Variants in PTPRT observed in about 807,000 individuals in gnomAD.
PTPRT encodes the protein receptor-type tyrosine-protein phosphatase T.
In PTPRT, 56 loss-of-function variants were observed where a neutral mutation model predicts 176.8. That is an observed-to-expected ratio of 0.32 (90% CI 0.26 to 0.40). The LOEUF (loss-of-function observed/expected upper bound fraction) is 0.40, where lower values mean the gene tolerates loss of function less well. PTPRT is among the 10% of genes least tolerant of loss of function. The pLI is 1.00. For missense variants in PTPRT, 1,540 were observed against 1,908.2 expected (o/e 0.81, Z 3.60); for synonymous variants, 783 against 739.0 (o/e 1.06, Z -0.96).
chr20:42,998,273 T>G (rs374821566), intron 1 of PTPRT, among the ~76,000 whole-genome samples: 10 of 152,300 alleles, frequency 6.6e-5, no homozygotes, highest in East Asian at 3.9e-4. Context: ...CACCTACGTA[T>G]TCAATTACCA....
At chr20:43,080,648 G>C (rs748368560) in intron 1 of PTPRT, among the ~76,000 whole-genome samples, 5 of 152,346 alleles carry the variant, frequency 3.3e-5, no homozygotes, top group Non-Finnish European at 7.4e-5. Flanking sequence ...TGCCCAGCCT[G>C]TAGCTACACT....
chr20:42,826,983 G>T (rs1465717687), intron 2 of PTPRT, among the ~76,000 whole-genome samples: 1 of 152,170 alleles, frequency 6.6e-6, no homozygotes, highest in Non-Finnish European at 1.5e-5. Flanking sequence ...TAATTGTAAA[G>T]GATTCAATTC....
At chr20:42,620,369 C>A (rs2074168636) in intron 7 of PTPRT, among the ~76,000 whole-genome samples, 1 of 148,844 alleles carries the variant, frequency 6.7e-6, no homozygotes, top group Admixed American at 6.6e-5. Flanking sequence ...ACACTTAAGT[C>A]TGTAGAGGTT....
chr20:43,015,956 A>AG (rs965586085), intron 1 of PTPRT, among the ~76,000 whole-genome samples: 2 of 151,788 alleles, frequency 1.3e-5, no homozygotes, highest in African/African-American at 4.8e-5. Context: ...AAGAAAAAAA[A>AG]AAAAAAGCCC....
At chr20:42,256,554 G>GAA (rs113206254) in intron 13 of PTPRT, among the ~76,000 whole-genome samples, 1 of 149,284 alleles carries the variant, frequency 6.7e-6, no homozygotes, top group African/African-American at 2.5e-5. Context: ...GTTGATACAG[G>GAA]AAAAAAAAAT....
intron 18 of PTPRT, among the ~76,000 whole-genome samples, chr20:42,133,287 TG>T (rs1988215418): frequency 6.6e-6 from 1 of 152,228 alleles, no homozygotes; most frequent in Admixed American, 6.5e-5. Flanking sequence ...TATGGGTTTA[TG>T]GGGATATAAC....
At chr20:42,477,439 T>C (rs948464313) in intron 7 of PTPRT, among the ~76,000 whole-genome samples, 3 of 152,156 alleles carry the variant, frequency 2.0e-5, no homozygotes, top group African/African-American at 7.2e-5. Context: ...TCCTATTCAA[T>C]GGAAACTAGG....
At chr20:42,779,975 TCAAA>T (rs1307538915) in intron 4 of PTPRT, among the ~76,000 whole-genome samples, 1 of 152,150 alleles carries the variant, frequency 6.6e-6, no homozygotes, top group Non-Finnish European at 1.5e-5. Context: ...GGAGAGAGAT[TCAAA>T]CAAAGATGTT....
intron 7 of PTPRT, among the ~76,000 whole-genome samples, chr20:42,667,140 T>C (rs936962003): frequency 6.6e-6 from 1 of 152,250 alleles, no homozygotes; most frequent in African/African-American, 2.4e-5. Flanking sequence ...ACATTTTTCA[T>C]CAGTGTATTC....
chr20:42,235,170 A>T (rs2056215947), intron 15 of PTPRT, among the ~76,000 whole-genome samples: 2 of 152,172 alleles, frequency 1.3e-5, no homozygotes, highest in Non-Finnish European at 2.9e-5. Flanking sequence ...GGGGCTTTCT[A>T]ACTTTTTATC....
In PTPRT at chr20:42,640,492, G is replaced by A. The variant is rs538330024; in HGVS notation, c.1153+37374C>T. Among the ~76,000 whole-genome samples, 18 of 152,142 alleles carry A rather than the reference G, an allele frequency of 1.2e-4. 1 individual carries two copies. Among genetic ancestry groups the A allele is most frequent in the African/African-American group, 3.9e-4 (16 of 41,480 alleles). ...CTCACTGCAACCTTTGGATTCAAGT[G>A]ATTCTCGTGCCTCAGGTTCCCGAGT... On this transcript the variant is annotated intron_variant, in intron 7 of 30. Transcript: ENST00000373187.
chr20:42,046,387 G>C, the PTPRT span, among the ~76,000 whole-genome samples: 1 of 152,332 alleles, frequency 6.6e-6, no homozygotes, highest in African/African-American at 2.4e-5. Context: ...TCTCTGCCAG[G>C]AGTTTTGGGA....
At chr20:42,575,819 C>T (rs763517539) in intron 7 of PTPRT, among the ~76,000 whole-genome samples, 1 of 152,096 alleles carries the variant, frequency 6.6e-6, no homozygotes, top group East Asian at 1.9e-4. Context: ...AGCGCCCACA[C>T]CCTCGCCACA....
At chr20:42,989,071 G>A (rs1983752261) in intron 1 of PTPRT, among the ~76,000 whole-genome samples, 1 of 152,230 alleles carries the variant, frequency 6.6e-6, no homozygotes, top group African/African-American at 2.4e-5. Context: ...GAATGAATTA[G>A]TAAATGAATG....
At position 42,085,788 on chromosome 20, in the gene PTPRT, G is replaced by A. The variant is rs1265980061; in HGVS notation, c.3912C>T (p.Val1304=). The A allele has an allele frequency of 1.2e-6, 2 of 1,614,080 alleles. No homozygotes were observed. The highest frequency in any genetic ancestry group is 4.5e-5 in the East Asian group (2 of 44,874). ...GCYGPIQVEF[V]SADIDEDIIH... ...TGATGTCCTCGTCGATGTCTGCGGA[G>A]ACGAACTCCACCTGGATGGGCCCAT... The change falls in exon 28 of 31, where the codon GTC becomes GTT. Residue 1304 remains valine, a synonymous_variant. Coordinates refer to ENST00000373187, the MANE Select transcript of PTPRT (RefSeq NM_007050.6).
chr20:42,959,624 C>A (rs921796882), intron 1 of PTPRT, among the ~76,000 whole-genome samples: 2 of 152,104 alleles, frequency 1.3e-5, no homozygotes, highest in Non-Finnish European at 2.9e-5. Flanking sequence ...GGTGGGACAA[C>A]TGGAAAAAAA....
intron 2 of PTPRT, among the ~76,000 whole-genome samples, chr20:42,812,840 C>T (rs6030488): frequency 0.025 from 3,727 of 152,048 alleles, 141 homozygotes; most frequent in African/African-American, 0.079. Context: ...GCATAATCAA[C>T]GCCAAAATAA....
chr20:42,917,995 G>T (rs185492541), intron 1 of PTPRT, among the ~76,000 whole-genome samples: 54 of 152,226 alleles, frequency 3.5e-4, no homozygotes, highest in Non-Finnish European at 4.7e-4. Flanking sequence ...GTGTCCCAGA[G>T]GTGCATCTCT....
At chr20:42,543,013 G>C (rs1601231952) in intron 7 of PTPRT, among the ~76,000 whole-genome samples, 1 of 152,174 alleles carries the variant, frequency 6.6e-6, no homozygotes, top group South Asian at 2.1e-4. Flanking sequence ...CCTTCAGCAA[G>C]TTGTAATCTT....
Sources: allele counts gnomAD v4.1 joint callset (sites outside exome capture counted in the v4.1 genomes callset), GRCh38; gene constraint gnomAD v4.1.1; transcripts MANE v1.5; gene names NCBI Gene and HGNC (gene_info 2026-07-23, HGNC 2026-07-21).